TCF7L1: variants seen among roughly 807,000 people sequenced by gnomAD.
TCF7L1 encodes the protein transcription factor 7 like 1.
A neutral mutation model predicts 63.7 loss-of-function variants in TCF7L1; 18 were observed. The observed-to-expected ratio is 0.28, with a 90% CI of 0.20 to 0.42. The LOEUF is 0.42. Ranked by LOEUF, TCF7L1 falls within the 10% of genes least tolerant of loss-of-function variation. TCF7L1 has a pLI of 1.00. For missense variants in TCF7L1, 654 were observed against 779.3 expected, an observed-to-expected ratio of 0.84 and a Z score of 1.91; for synonymous variants, 355 against 340.9, an observed-to-expected ratio of 1.04 and a Z score of -0.46.
chr2:85,174,035 A>G (rs1466499903), intron 3 of TCF7L1, among the ~76,000 whole-genome samples: 1 of 152,172 alleles, frequency 6.6e-6, no homozygotes, highest in African/African-American at 2.4e-5. Context: ...GCGCCCGGCC[A>G]GAATTCATTC....
chr2:85,192,573 G>A (rs973585568), intron 3 of TCF7L1, among the ~76,000 whole-genome samples: 1 of 151,970 alleles, frequency 6.6e-6, no homozygotes, highest in Non-Finnish European at 1.5e-5. Flanking sequence ...GTAGAGATGG[G>A]GTTTTCAGCA....
At chr2:85,304,395 G>C in intron 7 of TCF7L1, 57 bp downstream of exon 7, 1 of 1,571,350 alleles carries the variant, frequency 6.4e-7, no homozygotes, top group Non-Finnish European at 8.7e-7. Context: ...CGCCATTTCT[G>C]ACCACGAAAC....
chr2:85,290,910 GC>G (rs1476962011), intron 4 of TCF7L1, among the ~76,000 whole-genome samples: 1 of 152,234 alleles, frequency 6.6e-6, no homozygotes, highest in Non-Finnish European at 1.5e-5. Context: ...GGAGCTGGGA[GC>G]TGTGCCCCTG....
chr2:85,231,465 C>T (rs1235447479), intron 3 of TCF7L1, among the ~76,000 whole-genome samples: 1 of 152,214 alleles, frequency 6.6e-6, no homozygotes, highest in African/African-American at 2.4e-5. Flanking sequence ...AATTCCTCCT[C>T]GTCCACGTGA....
intron 3 of TCF7L1, among the ~76,000 whole-genome samples, chr2:85,163,639 G>A (rs899106159): frequency 6.6e-6 from 1 of 152,182 alleles, no homozygotes; most frequent in East Asian, 1.9e-4. Flanking sequence ...CCGCATGCTA[G>A]GAGGCTTAAA....
intron 3 of TCF7L1, among the ~76,000 whole-genome samples, chr2:85,267,681 G>T (rs553278973): frequency 6.6e-6 from 1 of 151,840 alleles, no homozygotes; most frequent in South Asian, 2.1e-4. Flanking sequence ...TTGGCTTTTG[G>T]GTTTGGGATA....
Position 85,283,483 on chromosome 2 carries a change from T to G in TCF7L1, c.442-12T>G, listed in dbSNP as rs748651882. ...CTCACCAACAGCTTTTTCTTTTCTG[T>G]TCCCTGTGCAGTACCTGCAGATGAA... On this transcript the variant is annotated splice_polypyrimidine_tract_variant and intron_variant, in intron 3 of 11. Coordinates refer to ENST00000282111, the MANE Select transcript of TCF7L1 (RefSeq NM_031283.3). 2.5e-6 allele frequency: 4 copies of G among 1,613,908 alleles called. No homozygotes were observed.
At chr2:85,209,073 G>A (rs1679484343) in intron 3 of TCF7L1, among the ~76,000 whole-genome samples, 1 of 152,232 alleles carries the variant, frequency 6.6e-6, no homozygotes, top group Non-Finnish European at 1.5e-5. Context: ...TTTCCTCCGA[G>A]TGGGACAGAC....
chr2:85,294,876 T>TA (rs1558659191), intron 4 of TCF7L1, among the ~76,000 whole-genome samples: 1 of 151,270 alleles, frequency 6.6e-6, no homozygotes, highest in East Asian at 2.0e-4. Context: ...TTACTAAAAA[T>TA]AAAAAAAATT....
intron 3 of TCF7L1, among the ~76,000 whole-genome samples, chr2:85,259,192 G>A (rs575022007): frequency 6.6e-5 from 10 of 152,238 alleles, no homozygotes; most frequent in African/African-American, 2.2e-4. Context: ...ATGAGCGGCC[G>A]AGCCGCTGCA....
intron 3 of TCF7L1, among the ~76,000 whole-genome samples, chr2:85,143,052 C>T (rs1024242947): frequency 1.3e-5 from 2 of 152,134 alleles, no homozygotes; most frequent in Admixed American, 6.5e-5. Flanking sequence ...TAAACATAGC[C>T]TTTTTCAGGA....
chr2:85,179,269 G>A (rs187088891), intron 3 of TCF7L1, among the ~76,000 whole-genome samples: 4 of 152,262 alleles, frequency 2.6e-5, no homozygotes, highest in Non-Finnish European at 5.9e-5. Context: ...ACAGTTTCTT[G>A]TTTCCCTTGG....
chr2:85,208,744 G>A (rs1679474168), intron 3 of TCF7L1, among the ~76,000 whole-genome samples: 1 of 152,176 alleles, frequency 6.6e-6, no homozygotes, highest in African/African-American at 2.4e-5. Context: ...CAATTCCAGG[G>A]TGGGAAAAAG....
intron 3 of TCF7L1, among the ~76,000 whole-genome samples, chr2:85,265,930 C>T (rs755252323): frequency 2.0e-5 from 3 of 152,124 alleles, no homozygotes; most frequent in Non-Finnish European, 4.4e-5. Flanking sequence ...GTTCAACTCA[C>T]CTCTTAGTGT....
intron 3 of TCF7L1, among the ~76,000 whole-genome samples, chr2:85,199,395 TTTTG>T (rs1177225651): frequency 2.0e-5 from 3 of 152,176 alleles, no homozygotes; most frequent in Non-Finnish European, 2.9e-5. Context: ...CCATTTAAAA[TTTTG>T]TTTGTCTCAT....
intron 3 of TCF7L1, among the ~76,000 whole-genome samples, chr2:85,217,745 T>C (rs571571881): frequency 6.6e-6 from 1 of 152,314 alleles, no homozygotes; most frequent in South Asian, 2.1e-4. Flanking sequence ...TTCGCAGTTT[T>C]GGAACTCTTA....
At chr2:85,185,004 G>C (rs1178809786) in intron 3 of TCF7L1, among the ~76,000 whole-genome samples, 2 of 152,186 alleles carry the variant, frequency 1.3e-5, no homozygotes, top group African/African-American at 4.8e-5. Flanking sequence ...TTCAGTGACA[G>C]GTTCTACCTG....
intron 3 of TCF7L1, among the ~76,000 whole-genome samples, chr2:85,141,741 A>C (rs1157678516): frequency 5.9e-5 from 9 of 152,242 alleles, no homozygotes; most frequent in Admixed American, 2.0e-4. Context: ...TAGGCTTCTT[A>C]CTTCATCCGT....
intron 3 of TCF7L1, among the ~76,000 whole-genome samples, chr2:85,231,347 G>A (rs1301776150): frequency 2.0e-5 from 3 of 152,204 alleles, no homozygotes; most frequent in African/African-American, 7.2e-5. Flanking sequence ...CTTCACATCT[G>A]AGAATGATCA....
Sources: gnomAD v4.1 joint callset for allele counts (sites outside exome capture counted in the v4.1 genomes callset) on GRCh38, gnomAD v4.1.1 for gene constraint, MANE v1.5 for transcripts, NCBI Gene and HGNC (gene_info 2026-07-23, HGNC 2026-07-21) for gene names.